Variants in ANKZF1 observed in about 807,000 individuals in gnomAD.
The protein encoded by ANKZF1 is tRNA endonuclease ANKZF1.
ANKZF1 carries 84 observed loss-of-function variants against 86.0 expected under a neutral mutation model. The observed-to-expected ratio is 0.98, with a 90% confidence interval of 0.82 to 1.17. The LOEUF is 1.17. ANKZF1 is among the 50% of genes most tolerant of loss of function. The pLI is 0.00. For missense variants in ANKZF1, 893 were observed against 918.4 expected, an observed-to-expected ratio of 0.97 and a Z score of 0.36; for synonymous variants, 331 against 354.2, an observed-to-expected ratio of 0.93 and a Z score of 0.74.
intron 4 of ANKZF1, 44 bp from the exon 5 acceptor site, chr2:219,232,446 A>C: frequency 6.2e-7 from 1 of 1,611,714 alleles, no homozygotes; most frequent in Non-Finnish European, 8.5e-7. Context: ...GAAAGAACAA[A>C]AATGGGGTAC....
At chr2:219,234,720 G>A in intron 9 of ANKZF1, 106 bp from the exon 10 acceptor site, 1 of 1,422,334 alleles carries the variant, frequency 7.0e-7, no homozygotes, top group Non-Finnish European at 9.5e-7. Flanking sequence ...CTTTTATCTG[G>A]GTGACAAAAT....
chr2:219,232,129 G>A, intron 3 of ANKZF1, 89 bp downstream of exon 3: 1 of 1,431,036 alleles, frequency 7.0e-7, no homozygotes, highest in Non-Finnish European at 9.7e-7. Context: ...CTTAATAAAG[G>A]TCCATGCTTT....
chr2:219,231,053 TTAG>T (rs1951018683), intron 2 of ANKZF1: 1 of 152,292 alleles, frequency 6.6e-6, no homozygotes, highest in Non-Finnish European at 1.5e-5. Context: ...TTGTGTAACT[TTAG>T]TTTGGCTACA....
At chr2:219,232,156 G>A in intron 3 of ANKZF1, 104 bp from the exon 4 acceptor site, 3 of 1,425,064 alleles carry the variant, frequency 2.1e-6, no homozygotes, top group Non-Finnish European at 2.9e-6. Flanking sequence ...GGCAGTTGGT[G>A]TTACCTGGTT....
In ANKZF1 at chr2:219,235,143, G is replaced by A. The variant is rs974179618; in HGVS notation, c.1522G>A (p.Gly508Arg). Reference sequence around the variant, plus strand: ...TGCTGCTTGCCGAGCTGGAGATGTTGGAGTGCTAAAGCTGCAGCTAGCTCC... The same window carrying A: ...TGCTGCTTGCCGAGCTGGAGATGTTAGAGTGCTAAAGCTGCAGCTAGCTCC... ...LLAACRAGDV[G>R]VLKLQLAPSP... is the part of the protein sequence containing the mutation. The change falls in exon 10 of 14, where the codon GGA becomes AGA. Residue 508 changes from glycine to arginine, a missense_variant. Transcript: ENST00000323348. 3 of 1,614,206 alleles carry A rather than the reference G, an allele frequency of 1.9e-6. No individual in the cohort carries two copies. The highest frequency in any genetic ancestry group is 8.5e-7 in the Non-Finnish European group (1 of 1,180,042).
At chr2:219,230,458 C>G (rs1951000664) in intron 2 of ANKZF1, 53 bp downstream of exon 2, 1 of 1,542,566 alleles carries the variant, frequency 6.5e-7, no homozygotes, top group African/African-American at 1.4e-5. Context: ...CAGCGTATTG[C>G]CCGTTCAGGG....
chr2:219,236,445 A>C lies in ANKZF1; in HGVS notation c.2181A>C (p.Ter727CysextTer13), dbSNP rs781475112. The change falls in exon 14 of 14, where the codon TGA becomes TGC. Residue 727 changes from the stop codon to cysteine (C), a stop_lost. Coordinates refer to ENST00000323348, the MANE Select transcript of ANKZF1 (RefSeq NM_018089.3). ...HRRQAGRPSS[*>C] Reference sequence around the variant, plus strand: ...GTCAGGCAGGGAGGCCCTCTTCCTGATCTCTTACAGCTCTACCTGGGGCCA... The same window carrying C: ...GTCAGGCAGGGAGGCCCTCTTCCTGCTCTCTTACAGCTCTACCTGGGGCCA... 1.9e-6 allele frequency: 3 copies of C among 1,598,436 alleles called. No homozygotes were observed. The South Asian group carries it at 3.4e-5, about 18-fold the overall frequency.
intron 13 of ANKZF1, 26 bp downstream of exon 13, chr2:219,236,121 G>C (rs756677201): frequency 2.5e-6 from 4 of 1,613,378 alleles, no homozygotes; most frequent in Non-Finnish European, 1.7e-6. Flanking sequence ...TGAGGGAGTG[G>C]GTGGACTGTA....
chr2:219,231,365 T>C (rs1951028391), intron 2 of ANKZF1: 1 of 219,164 alleles, frequency 4.6e-6, no homozygotes, highest in Non-Finnish European at 1.0e-5. Context: ...CCAGGGCCAG[T>C]TTTTATTTAC....
intron 10 of ANKZF1, 79 bp from the exon 11 acceptor site, chr2:219,235,395 A>T (rs1181428920): frequency 1.9e-6 from 3 of 1,599,846 alleles, no homozygotes; most frequent in Non-Finnish European, 2.6e-6. Flanking sequence ...CTACTTGGCA[A>T]TATTCCCTTG....
Position 219,232,564 on chromosome 2 carries a change from G to A in ANKZF1, c.439G>A (p.Glu147Lys), listed in dbSNP as rs200506719. The A allele has an allele frequency of 7.0e-3, 11,230 of 1,614,192 alleles. 64 individuals carry two copies. The highest frequency in any genetic ancestry group is 0.025 in the Middle Eastern group (152 of 6,062). The stretch of plus-strand genomic sequence containing the variant: ...GGAGGACTTGCAGACACTGGATCGG[G>A]AGAGGGCTACATTTGAGAAGTTGAG... ...SEEDLQTLDR[E>K]RATFEKLSRP... The change falls in exon 5 of 14, where the codon GAG becomes AAG. Residue 147 changes from glutamate (E) to lysine (K), a missense_variant. Physicochemically the swap from Glu to Lys is moderately conservative, Grantham distance 56 (BLOSUM62 1). Coordinates refer to ENST00000323348, the MANE Select transcript of ANKZF1 (RefSeq NM_018089.3).
chr2:219,232,343 T>G lies in ANKZF1; in HGVS notation c.345T>G (p.Phe115Leu), dbSNP rs747415610. 7 of 1,614,118 alleles carry G rather than the reference T, an allele frequency of 4.3e-6. No individual in the cohort carries two copies. In the Admixed American group the frequency reaches 5.0e-5, roughly 12 times the overall value. Residue 115 changes from phenylalanine (F) to leucine (L), a missense_variant, in exon 4 of 14, where the codon TTT becomes TTG. Coordinates refer to ENST00000323348, the MANE Select transcript of ANKZF1 (RefSeq NM_018089.3). ...AGCCTCTCCTGTCTGCCCTGGACTT[T>G]GAAAAGCAGAGCTCCACAGGTGATG... ...KDKPLLSALD[F>L]EKQSSTGDLS...
Position 219,232,703 on chromosome 2 carries a change from G to T in ANKZF1, c.558+20G>T. On this transcript the variant is annotated intron_variant, in intron 5 of 13. Coordinates refer to ENST00000323348, the MANE Select transcript of ANKZF1 (RefSeq NM_018089.3). ...CATCAGGCAAGTGACAGTACAGGTT[G>T]CATGGCTAACCCCAGCCTTTTGTAC... 6.2e-7 allele frequency: 1 copy of T among 1,607,560 alleles called. No homozygotes were observed.
In ANKZF1 at chr2:219,234,116, CTT is replaced by C; in HGVS notation, c.1049-14_1049-13del. On this transcript the variant is annotated splice_polypyrimidine_tract_variant and intron_variant, in intron 8 of 13. Coordinates refer to ENST00000323348, the MANE Select transcript of ANKZF1 (RefSeq NM_018089.3). ...CTCCTCAGCTAAGGTTGAGAAAGATCTTTTCTTTTATGGCAGAAGAAGACCCT... is the reference window on the plus strand; with the variant it reads ...CTCCTCAGCTAAGGTTGAGAAAGATCTTCTTTTATGGCAGAAGAAGACCCT... 6.2e-7 allele frequency: 1 copy of C among 1,603,272 alleles called. No individual in the cohort carries two copies. Among genetic ancestry groups the C allele is most frequent in the Non-Finnish European group, 8.5e-7 (1 of 1,177,090 alleles).
intron 3 of ANKZF1, 56 bp from the exon 4 acceptor site, chr2:219,232,204 C>A: frequency 6.4e-7 from 1 of 1,566,576 alleles, no homozygotes; most frequent in Non-Finnish European, 8.8e-7. Context: ...TTGGCCAGTA[C>A]AAGGCCAGGC....
chr2:219,232,165 T>G, intron 3 of ANKZF1, 95 bp from the exon 4 acceptor site: 1 of 1,443,704 alleles, frequency 6.9e-7, no homozygotes, highest in South Asian at 1.2e-5. Context: ...TGTTACCTGG[T>G]TGTACTTCCT....
Position 219,234,740 on chromosome 2 carries a change from T to C in ANKZF1, c.1205-86T>C. Reference sequence around the variant, plus strand: ...ATCTGGGTGACAAAATAAAAACAATTTCATTTCAGGCTTTCATTCTTATGC... The same window carrying C: ...ATCTGGGTGACAAAATAAAAACAATCTCATTTCAGGCTTTCATTCTTATGC... On this transcript the variant is annotated intron_variant, in intron 9 of 13. Transcript: ENST00000323348. 2.7e-6 allele frequency: 4 copies of C among 1,493,370 alleles called. 1 individual carries two copies. In the Admixed American group the frequency reaches 9.0e-5, roughly 34 times the overall value. 92.5% of individuals were successfully genotyped at this position (1,493,370 alleles called of 1,614,324 possible). A position where few individuals can be genotyped will look rare whatever the true frequency, so the allele number is the denominator to read the frequency against.
rs369561192 is a variant in ANKZF1 at position 219,236,094 on chromosome 2, C to T, written c.2056C>T (p.Arg686Ter). The T allele has an allele frequency of 1.9e-5, 30 of 1,614,144 alleles. No individual in the cohort carries two copies. The Admixed American group carries it at 2.2e-4, about 12-fold the overall frequency. ...CCCTGACTCTGCAATCGTCAATACT[C>T]GGTATGGGGTGCGGGATGAGGGAGT... ...PIPDSAIVNT[R>*]RCWSCGASLQ... The change falls in exon 13 of 14, where the codon CGA (arginine) becomes TGA (stop). Residue 686 changes from arginine (R) to a stop codon, truncating the protein, a stop_gained and splice_region_variant. Coordinates refer to ENST00000323348, the MANE Select transcript of ANKZF1 (RefSeq NM_018089.3). LOFTEE classifies it high-confidence loss of function.
In ANKZF1 at chr2:219,236,346, C is replaced by G. The variant is rs375125143; in HGVS notation, c.2082C>G (p.Ser694=). The change falls in exon 14 of 14, where the codon TCC becomes TCG. Residue 694 remains serine, a synonymous_variant. Transcript: ENST00000323348. ...NTRRCWSCGA[S]LQGLTPFHYL... Reference sequence around the variant, plus strand: ...GACGCTGCTGGAGTTGTGGGGCATCCCTCCAAGGCCTGACTCCCTTTCACT... The same window carrying G: ...GACGCTGCTGGAGTTGTGGGGCATCGCTCCAAGGCCTGACTCCCTTTCACT... The G allele has an allele frequency of 1.2e-6, 2 of 1,613,984 alleles. No homozygotes were observed. Among genetic ancestry groups the G allele is most frequent in the Non-Finnish European group, 1.7e-6 (2 of 1,180,032 alleles).
Sources: allele counts gnomAD v4.1 joint callset, GRCh38; gene constraint gnomAD v4.1.1; transcripts MANE v1.5; gene names NCBI Gene and HGNC (gene_info 2026-07-23, HGNC 2026-07-21).